GRM7: variants seen among roughly 807,000 people sequenced by gnomAD.
GRM7 encodes the protein metabotropic glutamate receptor 7.
A neutral mutation model predicts 84.5 loss-of-function variants in GRM7; 35 were observed. That is an observed-to-expected ratio of 0.41 (90% confidence interval 0.32 to 0.55). GRM7 has a LOEUF of 0.55. Ranked by LOEUF, GRM7 falls within the 20% of genes least tolerant of loss-of-function variation. GRM7 has a pLI of 0.19. For synonymous variants in GRM7, 487 were observed against 455.1 expected (o/e 1.07, Z -0.89); for missense variants, 1,003 against 1,194.6 (o/e 0.84, Z 2.36).
intron 7 of GRM7, among the ~76,000 whole-genome samples, chr3:7,548,419 C>T (rs1171371731): frequency 5.9e-5 from 9 of 152,174 alleles, no homozygotes; most frequent in Non-Finnish European, 1.5e-5. Flanking sequence ...CTGGTATAGC[C>T]TACAGAATGA....
At chr3:7,174,278 C>T (rs1318913724) in intron 2 of GRM7, among the ~76,000 whole-genome samples, 6 of 152,010 alleles carry the variant, frequency 3.9e-5, no homozygotes, top group African/African-American at 1.4e-4. Flanking sequence ...TAATTATGCT[C>T]AGATAAAACT....
chr3:7,038,404 C>G (rs532066661), intron 1 of GRM7, among the ~76,000 whole-genome samples: 4 of 152,174 alleles, frequency 2.6e-5, no homozygotes, highest in Admixed American at 1.3e-4. Flanking sequence ...ATTCCGCTTT[C>G]CCTTTCTCTT....
At chr3:7,001,210 C>A (rs1041285626) in intron 1 of GRM7, among the ~76,000 whole-genome samples, 1 of 152,094 alleles carries the variant, frequency 6.6e-6, no homozygotes, top group Non-Finnish European at 1.5e-5. Context: ...ATTGTCTGGG[C>A]ATGGTGGTAC....
chr3:7,539,526 A>G (rs1256300476), intron 7 of GRM7, among the ~76,000 whole-genome samples: 5 of 151,832 alleles, frequency 3.3e-5, no homozygotes, highest in Non-Finnish European at 7.4e-5. Context: ...AAATACAAAA[A>G]TTATCCAGGC....
intron 9 of GRM7, among the ~76,000 whole-genome samples, chr3:7,733,420 A>T (rs1394764400): frequency 6.6e-6 from 1 of 152,150 alleles, no homozygotes; most frequent in South Asian, 2.1e-4. Flanking sequence ...CCTGAATAAG[A>T]TGTTTGTTTC....
chr3:7,600,164 TG>T (rs1459614791), intron 8 of GRM7, among the ~76,000 whole-genome samples: 18 of 152,140 alleles, frequency 1.2e-4, no homozygotes, highest in East Asian at 5.8e-4. Context: ...TGTTTCTTAT[TG>T]TTTTTTTGTT....
At chr3:6,998,562 C>T (rs1694905660) in intron 1 of GRM7, among the ~76,000 whole-genome samples, 1 of 152,246 alleles carries the variant, frequency 6.6e-6, no homozygotes, top group African/African-American at 2.4e-5. Context: ...CTGCATTTCC[C>T]TTCTGCACTG....
chr3:7,275,374 C>A (rs897349470), intron 2 of GRM7, among the ~76,000 whole-genome samples: 3 of 152,064 alleles, frequency 2.0e-5, no homozygotes, highest in Non-Finnish European at 4.4e-5. Context: ...CATGATGTAC[C>A]TGCTAAGAGA....
At chr3:7,528,980 C>T (rs1412048602) in intron 7 of GRM7, among the ~76,000 whole-genome samples, 3 of 151,960 alleles carry the variant, frequency 2.0e-5, no homozygotes, top group Non-Finnish European at 4.4e-5. Context: ...GGGAAGAATG[C>T]ATATTCTGTA....
intron 1 of GRM7, among the ~76,000 whole-genome samples, chr3:6,973,678 C>A (rs1215160734): frequency 6.6e-6 from 1 of 152,186 alleles, no homozygotes; most frequent in Non-Finnish European, 1.5e-5. Context: ...CAGGAGGAAC[C>A]ATTAGACAGA....
intron 1 of GRM7, among the ~76,000 whole-genome samples, chr3:7,027,880 G>T (rs910044964): frequency 5.9e-5 from 9 of 151,864 alleles, no homozygotes; most frequent in Admixed American, 3.3e-4. Context: ...CACATGGATG[G>T]TTTTTTCCAT....
Position 6,949,152 on chromosome 3 carries a change from G to C in GRM7, c.519+87245G>C, listed in dbSNP as rs1006426295. ...GTTGATGCAGTTTATTCCTAGCCTC[G>C]ATGGTCTTTACAATTTGGCATGTTT... On this transcript the variant is annotated intron_variant, in intron 1 of 9. Transcript: ENST00000357716. Among the ~76,000 whole-genome samples the C allele has an allele frequency of 2.0e-5, 3 of 152,216 alleles. No homozygotes were observed. In the East Asian group the frequency reaches 5.8e-4, roughly 29 times the overall value.
intron 8 of GRM7, among the ~76,000 whole-genome samples, chr3:7,648,825 T>C (rs938831104): frequency 2.6e-5 from 4 of 152,178 alleles, no homozygotes; most frequent in African/African-American, 9.6e-5. Context: ...ATAGGTCTTC[T>C]AGGACTTGGC....
At chr3:7,015,111 G>C (rs902441633) in intron 1 of GRM7, among the ~76,000 whole-genome samples, 3 of 151,998 alleles carry the variant, frequency 2.0e-5, no homozygotes, top group African/African-American at 7.3e-5. Flanking sequence ...GGACAAATAA[G>C]GGAATAAAGC....
intron 4 of GRM7, among the ~76,000 whole-genome samples, chr3:7,403,456 T>A (rs1009644016): frequency 4.0e-5 from 6 of 151,216 alleles, no homozygotes; most frequent in Non-Finnish European, 7.4e-5. Flanking sequence ...ATCATATGTA[T>A]AATCTCTATG....
intron 1 of GRM7, among the ~76,000 whole-genome samples, chr3:7,066,234 A>T (rs1292144658): frequency 8.6e-5 from 13 of 151,930 alleles, no homozygotes; most frequent in Admixed American, 7.2e-4. Flanking sequence ...TAAATGAAAC[A>T]AAAAGCTGGT....
intron 2 of GRM7, among the ~76,000 whole-genome samples, chr3:7,174,344 T>C (rs1252784564): frequency 6.6e-6 from 1 of 152,212 alleles, no homozygotes. Flanking sequence ...ACTAAAAACA[T>C]ATTAAAGATA....
intron 4 of GRM7, among the ~76,000 whole-genome samples, chr3:7,363,117 C>T (rs1486218047): frequency 6.6e-6 from 1 of 151,784 alleles, no homozygotes. Context: ...GAGTAAGACT[C>T]TGTCTCTAAA....
rs764096784 is a variant in GRM7, at chr3:7,740,317, G to A, written c.2699-40G>A. On this transcript the variant is annotated intron_variant, in intron 9 of 9. Transcript: ENST00000357716. ...ATTCTATTTCTACCTTTGCAAACAG[G>A]GTTATTACTGCAACTGACACTTTCT... 14 of 1,326,550 alleles carry A rather than the reference G, an allele frequency of 1.1e-5. No homozygotes were observed. The South Asian group carries it at 1.6e-4, about 15-fold the overall frequency. 82.2% of individuals were successfully genotyped at this position (1,326,550 alleles called of 1,614,324 possible). A position where few individuals can be genotyped will look rare whatever the true frequency, so the allele number is the denominator to read the frequency against.
Sources: gnomAD v4.1 joint callset for allele counts (sites outside exome capture counted in the v4.1 genomes callset) on GRCh38, gnomAD v4.1.1 for gene constraint, MANE v1.5 for transcripts, NCBI Gene and HGNC (gene_info 2026-07-23, HGNC 2026-07-21) for gene names.